The following PARD3B variants were observed in gnomAD, a reference collection of about 807,000 sequenced individuals.
PARD3B encodes the protein partitioning defective 3 homolog B.
In PARD3B, 103 loss-of-function variants were observed where a neutral mutation model predicts 130.2. The ratio of observed to expected loss-of-function variants is 0.79; its 90% CI spans 0.67 to 0.93. The LOEUF (loss-of-function observed/expected upper bound fraction) is 0.93. Ranked by LOEUF, PARD3B falls within the 40% of genes least tolerant of loss-of-function variation. PARD3B has a pLI of 0.00. For synonymous variants in PARD3B, 583 were observed against 553.2 expected, an observed-to-expected ratio of 1.05 and a Z score of -0.76; for missense variants, 1,609 against 1,499.2, an observed-to-expected ratio of 1.07 and a Z score of -1.21.
intron 2 of PARD3B, among the ~76,000 whole-genome samples, chr2:204,711,569 A>G (rs1031790752): frequency 2.0e-5 from 3 of 151,844 alleles, no homozygotes; most frequent in Non-Finnish European, 2.9e-5. Flanking sequence ...TTTTTCAGAC[A>G]GAGTCTTGCT....
intron 16 of PARD3B, among the ~76,000 whole-genome samples, chr2:205,252,651 G>T (rs2039898446): frequency 6.6e-6 from 1 of 152,100 alleles, no homozygotes; most frequent in Non-Finnish European, 1.5e-5. Flanking sequence ...CAGTGTGGCA[G>T]CAGTACAAAG....
At chr2:204,964,483 A>G (rs1691048485) in intron 2 of PARD3B, among the ~76,000 whole-genome samples, 1 of 152,256 alleles carries the variant, frequency 6.6e-6, no homozygotes, top group Non-Finnish European at 1.5e-5. Context: ...TAATTAGATT[A>G]AAAGTAAGGA....
At chr2:205,485,037 C>T (rs2049385544) in intron 20 of PARD3B, among the ~76,000 whole-genome samples, 1 of 152,182 alleles carries the variant, frequency 6.6e-6, no homozygotes, top group African/African-American at 2.4e-5. Flanking sequence ...TGCTCCATGG[C>T]AGATACTCAG....
chr2:204,905,600 C>G (rs2047015211), intron 2 of PARD3B, among the ~76,000 whole-genome samples: 1 of 150,866 alleles, frequency 6.6e-6, no homozygotes, highest in Non-Finnish European at 1.5e-5. Context: ...GAGTTTTTCC[C>G]TCTTGAGTTT....
intron 1 of PARD3B, among the ~76,000 whole-genome samples, chr2:204,620,093 C>T (rs2034245200): frequency 6.6e-6 from 1 of 152,116 alleles, no homozygotes; most frequent in Admixed American, 6.6e-5. Flanking sequence ...CCTCTGCCTC[C>T]TGGGTTCAAG....
rs12477567 is a variant in PARD3B, at chr2:205,572,908, T to C, written c.3260+19505T>C. 0.19 allele frequency among the ~76,000 whole-genome samples: 28,901 copies of C among 152,034 alleles called. 2,890 individuals are homozygous for C. Among genetic ancestry groups the C allele is most frequent in the East Asian group, 0.3 (1,551 of 5,152 alleles). On this transcript the variant is annotated intron_variant, in intron 22 of 22. Coordinates refer to ENST00000406610, the MANE Select transcript of PARD3B (RefSeq NM_001302769.2). The surrounding 1 kb of genome is among the most constrained non-coding windows in gnomAD (Gnocchi z 4.2). ...TAAAATAATACCCAAGACTGGGTAA[T>C]TTATAAAGGAAAGAGGTTTAATTGA...
chr2:204,925,889 G>A (rs998951911), intron 2 of PARD3B, among the ~76,000 whole-genome samples: 3 of 151,530 alleles, frequency 2.0e-5, no homozygotes, highest in African/African-American at 7.3e-5. Flanking sequence ...CATGAGATCT[G>A]ATGGTTTTAT....
rs1281036573 is a variant in PARD3B at position 205,351,467 on chromosome 2, T to C, written c.2631-49546T>C. Among the ~76,000 whole-genome samples, 2 of 152,170 alleles carry C rather than the reference T, an allele frequency of 1.3e-5. No individual in the cohort carries two copies. The highest frequency in any genetic ancestry group is 2.9e-5 in the Non-Finnish European group (2 of 68,026). On this transcript the variant is annotated intron_variant, in intron 18 of 22. Coordinates refer to ENST00000406610, the MANE Select transcript of PARD3B (RefSeq NM_001302769.2). This position sits in a 1 kb window ranked among gnomAD's most constrained non-coding sequence, Gnocchi z 4.2. ...TAGGTGCTGGAGGGATTTTGCCAAC[T>C]GCACCTGGTGCTGAGTGAGTGGTAG...
At chr2:204,591,215 A>G (rs1363961143) in intron 1 of PARD3B, among the ~76,000 whole-genome samples, 2 of 152,236 alleles carry the variant, frequency 1.3e-5, no homozygotes, top group Non-Finnish European at 2.9e-5. Context: ...GTGTGCATGT[A>G]TATGTTTATT....
At chr2:205,502,372 G>T (rs893207532) in intron 21 of PARD3B, among the ~76,000 whole-genome samples, 1 of 152,146 alleles carries the variant, frequency 6.6e-6, no homozygotes, top group African/African-American at 2.4e-5. Flanking sequence ...GATCACAGTC[G>T]CGTGAAGGGG....
At chr2:205,277,797 G>A (rs973234261) in intron 16 of PARD3B, among the ~76,000 whole-genome samples, 1 of 152,152 alleles carries the variant, frequency 6.6e-6, no homozygotes, top group Non-Finnish European at 1.5e-5. Flanking sequence ...AAATCATCCC[G>A]AGGAGTTTGG....
intron 2 of PARD3B, among the ~76,000 whole-genome samples, chr2:204,724,049 GT>G (rs1281733368): frequency 1.3e-5 from 2 of 151,974 alleles, no homozygotes; most frequent in African/African-American, 4.8e-5. Flanking sequence ...CTTAATGCTA[GT>G]CTCATTATAT....
chr2:204,934,888 A>G (rs1413452912), intron 2 of PARD3B, among the ~76,000 whole-genome samples: 1 of 152,220 alleles, frequency 6.6e-6, no homozygotes, highest in Non-Finnish European at 1.5e-5. Context: ...TGGGGCTAAT[A>G]TATATAACTC....
At chr2:204,910,443 G>T (rs1469019752) in intron 2 of PARD3B, among the ~76,000 whole-genome samples, 1 of 152,104 alleles carries the variant, frequency 6.6e-6, no homozygotes, top group Non-Finnish European at 1.5e-5. Flanking sequence ...GATATATTTT[G>T]ATTCTGTACT....
intron 10 of PARD3B, among the ~76,000 whole-genome samples, chr2:205,137,713 T>G (rs1050397027): frequency 6.6e-6 from 1 of 152,200 alleles, no homozygotes; most frequent in Non-Finnish European, 1.5e-5. Flanking sequence ...AGAATGGCCT[T>G]CCTTACACGT....
rs564224228 is a variant in PARD3B at position 204,807,583 on chromosome 2, G to A, written c.222+121301G>A. On this transcript the variant is annotated intron_variant, in intron 2 of 22. Coordinates refer to ENST00000406610, the MANE Select transcript of PARD3B (RefSeq NM_001302769.2). ...GCAGTATTAACAATAGCCAAGATTCGGAAGCTACCCAAGGATTCATCAACG... is the reference window on the plus strand; with the variant it reads ...GCAGTATTAACAATAGCCAAGATTCAGAAGCTACCCAAGGATTCATCAACG... 2.0e-4 allele frequency among the ~76,000 whole-genome samples: 31 copies of A among 152,116 alleles called. 1 individual carries two copies. In the South Asian group the frequency reaches 2.7e-3, roughly 13 times the overall value.
Position 205,124,521 on chromosome 2 carries a change from C to G in PARD3B, c.1305+55C>G, listed in dbSNP as rs987736487. Reference sequence around the variant, plus strand: ...AATATTTCTTGGCATTTAAATAATGCCATTTAATTGCATTGAAATATATGT... The same window carrying G: ...AATATTTCTTGGCATTTAAATAATGGCATTTAATTGCATTGAAATATATGT... On this transcript the variant is annotated intron_variant, in intron 9 of 22. Coordinates refer to ENST00000406610, the MANE Select transcript of PARD3B (RefSeq NM_001302769.2). 5.8e-5 allele frequency: 78 copies of G among 1,343,546 alleles called. 1 individual carries two copies. Among genetic ancestry groups the G allele is most frequent in the Non-Finnish European group, 6.6e-5 (66 of 1,003,090 alleles). The allele number at this position is 1,343,546 out of a possible 1,614,324, so 83.2% of individuals were successfully genotyped here.
chr2:204,558,423 G>A (rs2031078714), intron 1 of PARD3B, among the ~76,000 whole-genome samples: 1 of 152,130 alleles, frequency 6.6e-6, no homozygotes, highest in Non-Finnish European at 1.5e-5. Context: ...GCCAAATCAT[G>A]AGTGAACTCC....
intron 2 of PARD3B, among the ~76,000 whole-genome samples, chr2:204,902,081 C>T (rs1331734514): frequency 6.6e-6 from 1 of 152,170 alleles, no homozygotes; most frequent in Non-Finnish European, 1.5e-5. Context: ...CAAGTACTCC[C>T]TTGCTGCCTG....
Sources: allele counts gnomAD v4.1 joint callset (sites outside exome capture counted in the v4.1 genomes callset), GRCh38; gene constraint gnomAD v4.1.1; non-coding constraint Gnocchi (gnomAD v3.1); transcripts MANE v1.5; gene names NCBI Gene and HGNC (gene_info 2026-07-23, HGNC 2026-07-21).